SLC7A14: variants seen among roughly 807,000 people sequenced by gnomAD.
SLC7A14 encodes the protein solute carrier family 7 member 14.
SLC7A14 carries 37 observed loss-of-function variants against 60.2 expected under a neutral mutation model. The ratio of observed to expected loss-of-function variants is 0.61; its 90% CI spans 0.47 to 0.81. The LOEUF (loss-of-function observed/expected upper bound fraction) is 0.81, where lower values mean the gene tolerates loss of function less well. Among genes scored for constraint, SLC7A14 ranks in the 30% least tolerant of loss-of-function variants. The pLI is 0.00. For missense variants in SLC7A14, 886 were observed against 982.7 expected (o/e 0.90, Z 1.32); for synonymous variants, 399 against 395.8 (o/e 1.01, Z -0.10).
At chr3:170,570,141 GA>G (rs1714905971) in intron 1 of SLC7A14, 1 of 152,110 alleles carries the variant, frequency 6.6e-6, no homozygotes, top group South Asian at 2.1e-4. Context: ...CTTGCCTAAA[GA>G]GGAGAAAATC....
chr3:170,469,007 G>A (rs573213234), intron 7 of SLC7A14, among the ~76,000 whole-genome samples: 1 of 152,302 alleles, frequency 6.6e-6, no homozygotes, highest in South Asian at 2.1e-4. Flanking sequence ...GATTCCAATG[G>A]TCAGAGTGTC....
Position 170,462,576 on chromosome 3 carries a change from T to G in SLC7A14, c.*4479A>C, listed in dbSNP as rs1385579589. The G allele has an allele frequency of 6.6e-6, 1 of 152,138 alleles. No individual in the cohort carries two copies. The highest frequency in any genetic ancestry group is 1.5e-5 in the Non-Finnish European group (1 of 68,030). The allele number at this position is 152,138 out of a possible 1,614,324, so 9.4% of individuals were successfully genotyped here. A position where few individuals can be genotyped will look rare whatever the true frequency, so the allele number is the denominator to read the frequency against. On this transcript the variant is annotated 3_prime_UTR_variant, in exon 8 of 8. Coordinates refer to ENST00000231706, the MANE Select transcript of SLC7A14 (RefSeq NM_020949.3). ...TGTAGGCATTTGATTAGCTACTAGT[T>G]TGTTACTAAGAAGTAGAACTGGCAC...
At chr3:170,565,035 T>C (rs1481062417) in intron 1 of SLC7A14, among the ~76,000 whole-genome samples, 1 of 152,306 alleles carries the variant, frequency 6.6e-6, no homozygotes, top group South Asian at 2.1e-4. Context: ...GAAGGAAATC[T>C]CTAGTCTCTT....
At position 170,466,139 on chromosome 3, in the gene SLC7A14, T is replaced by G. The variant is rs1377545206; in HGVS notation, c.*916A>C. The G allele has an allele frequency of 6.6e-6, 1 of 152,246 alleles. No individual in the cohort carries two copies. The highest frequency in any genetic ancestry group is 2.4e-5 in the African/African-American group (1 of 41,456). The allele number at this position is 152,246 out of a possible 1,614,324, so 9.4% of individuals were successfully genotyped here. Reference sequence around the variant, plus strand: ...TAGAAATATGAAAGAGAATTTGCAATGTGATCTCAGTGGCTGGCTCACTTC... The same window carrying G: ...TAGAAATATGAAAGAGAATTTGCAAGGTGATCTCAGTGGCTGGCTCACTTC... On this transcript the variant is annotated 3_prime_UTR_variant, in exon 8 of 8. Coordinates refer to ENST00000231706, the MANE Select transcript of SLC7A14 (RefSeq NM_020949.3).
At chr3:170,496,646 G>C (rs1355079290) in intron 4 of SLC7A14, 1 of 1,395,596 alleles carries the variant, frequency 7.2e-7, no homozygotes, top group Non-Finnish European at 1.0e-6. Flanking sequence ...CTGGAGTCTG[G>C]GATGCAGAAC....
At chr3:170,581,217 G>C in intron 1 of SLC7A14, among the ~76,000 whole-genome samples, 1 of 152,106 alleles carries the variant, frequency 6.6e-6, no homozygotes, top group East Asian at 1.9e-4. Flanking sequence ...TGTTCTGATT[G>C]ATCTATGAGA....
At chr3:170,533,260 ACGTGG>A (rs1358428180) in intron 1 of SLC7A14, among the ~76,000 whole-genome samples, 1 of 152,130 alleles carries the variant, frequency 6.6e-6, no homozygotes, top group Non-Finnish European at 1.5e-5. Context: ...ACTTTATACT[ACGTGG>A]CCAGGTACAG....
At chr3:170,482,420 AGAT>A (rs1256436052) in intron 6 of SLC7A14, among the ~76,000 whole-genome samples, 2 of 152,230 alleles carry the variant, frequency 1.3e-5, no homozygotes, top group African/African-American at 4.8e-5. Context: ...ATGAGTCAGA[AGAT>A]GATGTCTGCA....
intron 7 of SLC7A14, among the ~76,000 whole-genome samples, chr3:170,472,870 A>G (rs1739959585): frequency 6.6e-6 from 1 of 152,196 alleles, no homozygotes; most frequent in Admixed American, 6.5e-5. Flanking sequence ...AAATGTGTCT[A>G]TGAGAAGTTC....
chr3:170,533,546 C>A (rs974837670), intron 1 of SLC7A14, among the ~76,000 whole-genome samples: 1 of 152,178 alleles, frequency 6.6e-6, no homozygotes, highest in African/African-American at 2.4e-5. Context: ...TCTAGATCAA[C>A]CACATTCTGA....
At chr3:170,481,436 C>T (rs1014124852) in intron 6 of SLC7A14, among the ~76,000 whole-genome samples, 1 of 134,730 alleles carries the variant, frequency 7.4e-6, no homozygotes, top group Non-Finnish European at 1.5e-5. Context: ...TCTGCTTACT[C>T]TGTCCCCCAG....
chr3:170,500,313 G>A (rs1326966071), intron 3 of SLC7A14, among the ~76,000 whole-genome samples: 2 of 151,816 alleles, frequency 1.3e-5, no homozygotes, highest in Non-Finnish European at 2.9e-5. Context: ...TGGTAGCTGA[G>A]TAGTAATCCC....
intron 4 of SLC7A14, chr3:170,496,049 C>T: frequency 7.9e-7 from 1 of 1,263,878 alleles, no homozygotes. Flanking sequence ...CTTACATGAA[C>T]AAGGCAGAGC....
intron 7 of SLC7A14, among the ~76,000 whole-genome samples, chr3:170,471,753 C>G (rs1486109995): frequency 2.0e-5 from 3 of 152,102 alleles, no homozygotes; most frequent in Non-Finnish European, 4.4e-5. Flanking sequence ...TTGCTATAAG[C>G]CAGAAGTCAT....
intron 2 of SLC7A14, among the ~76,000 whole-genome samples, chr3:170,515,475 A>G (rs184720106): frequency 1.4e-3 from 215 of 152,206 alleles, no homozygotes; most frequent in African/African-American, 4.8e-3. Context: ...TCTAACTTTC[A>G]GCAACCTGTT....
At chr3:170,577,510 C>T (rs963413971) in intron 1 of SLC7A14, among the ~76,000 whole-genome samples, 33 of 149,612 alleles carry the variant, frequency 2.2e-4, no homozygotes, top group Non-Finnish European at 7.4e-5. Context: ...CCCAGCTACT[C>T]GGGAGGCTGA....
At chr3:170,567,939 T>G (rs1219244256) in intron 1 of SLC7A14, among the ~76,000 whole-genome samples, 2 of 152,082 alleles carry the variant, frequency 1.3e-5, no homozygotes, top group Admixed American at 1.3e-4. Flanking sequence ...TTGTGAAAAT[T>G]TTCTCCCATT....
Position 170,535,048 on chromosome 3 carries a change from A to G in SLC7A14, c.-152-7960T>C, listed in dbSNP as rs534858278. 6.6e-6 allele frequency among the ~76,000 whole-genome samples: 1 copy of G among 152,254 alleles called. No individual in the cohort carries two copies. The highest frequency in any genetic ancestry group is 1.9e-4 in the East Asian group (1 of 5,178). ...ATGCCCCAGTCAGGGAGGGTATCAC[A>G]GTTTGACATCACCTTCTCCTCTCCT... On this transcript the variant is annotated intron_variant, in intron 1 of 7. Coordinates refer to ENST00000231706, the MANE Select transcript of SLC7A14 (RefSeq NM_020949.3). This position sits in a 1 kb window ranked among gnomAD's most constrained non-coding sequence, Gnocchi z 4.3.
intron 1 of SLC7A14, among the ~76,000 whole-genome samples, chr3:170,580,207 A>C (rs1041110268): frequency 6.6e-6 from 1 of 152,226 alleles, no homozygotes; most frequent in Non-Finnish European, 1.5e-5. Context: ...TTTTTGTGTC[A>C]AAATAGGACA....
Sources: allele counts gnomAD v4.1 joint callset (sites outside exome capture counted in the v4.1 genomes callset), GRCh38; gene constraint gnomAD v4.1.1; non-coding constraint Gnocchi (gnomAD v3.1); transcripts MANE v1.5; gene names NCBI Gene and HGNC (gene_info 2026-07-23, HGNC 2026-07-21).